Variants in EYA4 observed in about 807,000 individuals in gnomAD.
EYA4 encodes EYA transcriptional coactivator and phosphatase 4, also known as protein phosphatase EYA4.
In EYA4, 31 loss-of-function variants were observed where a neutral mutation model predicts 87.9. The ratio of observed to expected loss-of-function variants is 0.35; its 90% CI spans 0.27 to 0.48. EYA4 has a LOEUF of 0.48. Among genes scored for constraint, EYA4 ranks in the 20% least tolerant of loss-of-function variants. The pLI, the probability that EYA4 is intolerant of heterozygous loss-of-function variation, is 0.99. For synonymous variants in EYA4, 263 were observed against 270.6 expected, an observed-to-expected ratio of 0.97 and a Z score of 0.28; for missense variants, 678 against 761.4, an observed-to-expected ratio of 0.89 and a Z score of 1.29.
chr6:133,479,354 G>A (rs1407709376), intron 11 of EYA4, among the ~76,000 whole-genome samples: 5 of 152,074 alleles, frequency 3.3e-5, no homozygotes, highest in Non-Finnish European at 4.4e-5. Flanking sequence ...TGATAACATA[G>A]ACCCATGAAA....
At chr6:133,474,789 C>G (rs540218751) in intron 11 of EYA4, among the ~76,000 whole-genome samples, 1 of 152,174 alleles carries the variant, frequency 6.6e-6, no homozygotes, top group East Asian at 1.9e-4. Context: ...GTATTTAGTT[C>G]AAGGGCAAGA....
chr6:133,297,969 C>G (rs1779069594), intron 2 of EYA4, among the ~76,000 whole-genome samples: 1 of 152,154 alleles, frequency 6.6e-6, no homozygotes, highest in African/African-American at 2.4e-5. Flanking sequence ...ACTTATTACA[C>G]CGAGGCTACA....
intron 11 of EYA4, among the ~76,000 whole-genome samples, chr6:133,469,582 G>A (rs900921093): frequency 6.6e-6 from 1 of 151,846 alleles, no homozygotes; most frequent in Non-Finnish European, 1.5e-5. Flanking sequence ...AGGATACAAA[G>A]GCAATTGAGT....
At chr6:133,442,015 A>G (rs868121120) in intron 3 of EYA4, among the ~76,000 whole-genome samples, 5 of 152,006 alleles carry the variant, frequency 3.3e-5, no homozygotes, top group South Asian at 4.1e-4. Context: ...GTATATATTA[A>G]TACCTATATA....
chr6:133,393,061 G>A (rs1447995860), intron 3 of EYA4, among the ~76,000 whole-genome samples: 1 of 152,134 alleles, frequency 6.6e-6, no homozygotes, highest in Non-Finnish European at 1.5e-5. Context: ...TGTCGATTGA[G>A]GGCAACAACC....
intron 2 of EYA4, among the ~76,000 whole-genome samples, chr6:133,277,060 TA>T (rs145018853): frequency 0.025 from 3,848 of 152,142 alleles, 130 homozygotes; most frequent in African/African-American, 0.082. Context: ...ATAGAACAAG[TA>T]GGGGTGGAAT....
chr6:133,525,930 C>T (rs892255718), intron 19 of EYA4: 3 of 985,322 alleles, frequency 3.0e-6, no homozygotes, highest in East Asian at 1.1e-4. Flanking sequence ...AGAAGAGTTT[C>T]ATCTGTTTTG....
At chr6:133,486,616 G>A (rs929677103) in intron 13 of EYA4, among the ~76,000 whole-genome samples, 10 of 152,166 alleles carry the variant, frequency 6.6e-5, no homozygotes, top group Admixed American at 3.3e-4. Context: ...AAACTAGGTC[G>A]TATAATGAGT....
chr6:133,286,058 AAGG>A (rs1268203692), intron 2 of EYA4, among the ~76,000 whole-genome samples: 3 of 152,176 alleles, frequency 2.0e-5, no homozygotes, highest in Non-Finnish European at 4.4e-5. Context: ...TGTGAAATGT[AAGG>A]AGAAGTGATA....
chr6:133,503,535 C>T (rs564680765), intron 13 of EYA4, among the ~76,000 whole-genome samples: 1 of 152,134 alleles, frequency 6.6e-6, no homozygotes, highest in South Asian at 2.1e-4. Context: ...TATTGTCTTG[C>T]ATCAGTGAAC....
At chr6:133,320,160 T>C (rs1780970955) in intron 2 of EYA4, among the ~76,000 whole-genome samples, 1 of 152,046 alleles carries the variant, frequency 6.6e-6, no homozygotes, top group South Asian at 2.1e-4. Flanking sequence ...TTGCTCCTTT[T>C]TTTCCCAACT....
chr6:133,461,222 T>A, intron 7 of EYA4, 42 bp downstream of exon 7: 1 of 1,307,106 alleles, frequency 7.7e-7, no homozygotes, highest in Non-Finnish European at 1.1e-6. Context: ...GGCAAACATT[T>A]ATGTCTATAC....
At chr6:133,451,989 A>G (rs1368699279) in intron 5 of EYA4, among the ~76,000 whole-genome samples, 1 of 152,154 alleles carries the variant, frequency 6.6e-6, no homozygotes, top group Non-Finnish European at 1.5e-5. Flanking sequence ...AAATGGCTTC[A>G]TCAAATTATT....
chr6:133,360,081 GA>G (rs1333904348), intron 2 of EYA4: 1 of 152,126 alleles, frequency 6.6e-6, no homozygotes, highest in Non-Finnish European at 1.5e-5. Context: ...AGAAAGGAAA[GA>G]AGTAATACCT....
intron 11 of EYA4, among the ~76,000 whole-genome samples, chr6:133,469,024 A>G (rs555629519): frequency 3.3e-5 from 5 of 152,082 alleles, no homozygotes; most frequent in Non-Finnish European, 7.4e-5. Flanking sequence ...AAGTTGTAAT[A>G]TTATCTTCCT....
intron 2 of EYA4, among the ~76,000 whole-genome samples, chr6:133,284,952 C>T (rs1000164553): frequency 6.7e-6 from 1 of 150,296 alleles, no homozygotes; most frequent in Non-Finnish European, 1.5e-5. Context: ...TGCTTGCGGG[C>T]AGGGTAGGTA....
chr6:133,337,289 C>CACA (rs1225715992), intron 2 of EYA4, among the ~76,000 whole-genome samples: 1 of 151,998 alleles, frequency 6.6e-6, no homozygotes, highest in Non-Finnish European at 1.5e-5. Flanking sequence ...TAGCTTCATA[C>CACA]CAGGATGCTA....
intron 10 of EYA4, 134 bp downstream of exon 10, chr6:133,464,992 A>G (rs1311362909): frequency 1.5e-6 from 1 of 647,822 alleles, no homozygotes; most frequent in African/African-American, 1.8e-5. Flanking sequence ...GCATTTCAGG[A>G]TAGTAAAAAA....
At chr6:133,273,114 T>TAA (rs1776868752) in intron 1 of EYA4, among the ~76,000 whole-genome samples, 1 of 147,374 alleles carries the variant, frequency 6.8e-6, no homozygotes, top group African/African-American at 2.6e-5. Context: ...TATATATATA[T>TAA]ATAAAGGGAA....
Sources: allele counts gnomAD v4.1 joint callset (sites outside exome capture counted in the v4.1 genomes callset), GRCh38; gene constraint gnomAD v4.1.1; transcripts MANE v1.5; gene names NCBI Gene and HGNC (gene_info 2026-07-23, HGNC 2026-07-21).